Variants in PCNX2 observed in about 807,000 individuals in gnomAD.
The protein encoded by PCNX2 is pecanex-like protein 2.
In PCNX2, 168 loss-of-function variants were observed where a neutral mutation model predicts 223.8. The ratio of observed to expected loss-of-function variants is 0.75; its 90% CI spans 0.66 to 0.85. PCNX2 has a LOEUF of 0.85. PCNX2 is among the 40% of genes least tolerant of loss of function. The probability of loss-of-function intolerance (pLI) is 0.00; values close to 1 mark genes in which losing one functional copy is unlikely to be tolerated. For missense variants in PCNX2, 2,507 were observed against 2,675.5 expected (o/e 0.94, Z 1.39); for synonymous variants, 1,006 against 1,052.6 (o/e 0.96, Z 0.86).
chr1:233,288,875 C>G, intron 1 of PCNX2: 1 of 1,116,244 alleles, frequency 9.0e-7, no homozygotes, highest in Non-Finnish European at 1.3e-6. Flanking sequence ...ACAATTGAAA[C>G]TCTGGGAATT....
intron 1 of PCNX2, among the ~76,000 whole-genome samples, chr1:233,279,959 T>C (rs966631202): frequency 2.0e-5 from 3 of 152,244 alleles, no homozygotes; most frequent in African/African-American, 7.2e-5. Context: ...TATGTTCTTA[T>C]TAACGTTTTA....
intron 5 of PCNX2, among the ~76,000 whole-genome samples, 193 bp downstream of exon 5, chr1:233,257,835 C>A (rs1659816402): frequency 6.6e-6 from 1 of 152,114 alleles, no homozygotes; most frequent in South Asian, 2.1e-4. Flanking sequence ...TAGAGTAGGA[C>A]AATATATGTA....
rs71173251 is a variant in PCNX2 at position 233,119,403 on chromosome 1, C to CAAAA, written c.3837+15606_3837+15609dup. Among the ~76,000 whole-genome samples, 154 of 38,614 alleles carry CAAAA rather than the reference C, an allele frequency of 4.0e-3. 7 individuals carry two copies. Among genetic ancestry groups the CAAAA allele is most frequent in the African/African-American group, 0.011 (96 of 8,770 alleles). 25.3% of individuals were successfully genotyped at this position (38,614 alleles called of 152,430 possible). A position where few individuals can be genotyped will look rare whatever the true frequency, so the allele number is the denominator to read the frequency against. On this transcript the variant is annotated intron_variant, in intron 21 of 33. Coordinates refer to ENST00000258229, the MANE Select transcript of PCNX2 (RefSeq NM_014801.4). ...TGAAACCCCGTCTCTACTAAAAATA[C>CAAAA]AAAAAAAAAAAAAAAAAAAAAAAAA...
chr1:233,298,724 A>G (rs889759247), upstream of PCNX2, among the ~76,000 whole-genome samples: 4 of 152,068 alleles, frequency 2.6e-5, no homozygotes, highest in Non-Finnish European at 4.4e-5. Flanking sequence ...CCCCATCTCT[A>G]CTAAAAATAC....
At position 233,263,169 on chromosome 1, in the gene PCNX2, G is replaced by C. The variant is rs1196342687; in HGVS notation, c.154-6C>G. The C allele has an allele frequency of 6.3e-7, 1 of 1,583,872 alleles. No individual in the cohort carries two copies. The highest frequency in any genetic ancestry group is 8.6e-7 in the Non-Finnish European group (1 of 1,164,312). ...ATCGCATTTGGAGGAAAAGCCTGAAGAAAGGAAAAGACAGAGAAAAATCAT... is the reference window on the plus strand; with the variant it reads ...ATCGCATTTGGAGGAAAAGCCTGAACAAAGGAAAAGACAGAGAAAAATCAT... On this transcript the variant is annotated splice_region_variant and splice_polypyrimidine_tract_variant and intron_variant, in intron 1 of 33. Coordinates refer to ENST00000258229, the MANE Select transcript of PCNX2 (RefSeq NM_014801.4).
chr1:233,131,648 G>A (rs916254467), intron 21 of PCNX2, among the ~76,000 whole-genome samples: 3 of 152,152 alleles, frequency 2.0e-5, no homozygotes, highest in African/African-American at 7.2e-5. Flanking sequence ...TCCAGCATTA[G>A]CGGGAGGCAA....
At chr1:233,025,105 C>T in intron 26 of PCNX2, 41 bp downstream of exon 26, 2 of 1,607,478 alleles carry the variant, frequency 1.2e-6, no homozygotes, top group Non-Finnish European at 1.7e-6. Context: ...CTGTGCCATC[C>T]TAGCATTTCT....
At chr1:233,130,230 C>T (rs1390851614) in intron 21 of PCNX2, among the ~76,000 whole-genome samples, 1 of 152,106 alleles carries the variant, frequency 6.6e-6, no homozygotes, top group Non-Finnish European at 1.5e-5. Flanking sequence ...TAACACTCAC[C>T]ATGAGGGTCT....
Position 232,991,542 on chromosome 1 carries a change from T to A in PCNX2, c.5792-5002A>T, listed in dbSNP as rs190001695. On this transcript the variant is annotated intron_variant, in intron 32 of 33. Coordinates refer to ENST00000258229, the MANE Select transcript of PCNX2 (RefSeq NM_014801.4). The surrounding 1 kb of genome is among the most constrained non-coding windows in gnomAD (Gnocchi z 4.3). The stretch of plus-strand genomic sequence containing the variant: ...CCAGGACCTCAGGGTGGGGCCTTAC[T>A]TTGACACAGGGTCGTTGCAAATGTC... Among the ~76,000 whole-genome samples the A allele has an allele frequency of 5.3e-5, 8 of 152,084 alleles. No homozygotes were observed. Among genetic ancestry groups the A allele is most frequent in the African/African-American group, 1.7e-4 (7 of 41,394 alleles).
At chr1:233,059,026 T>C (rs769280143) in intron 23 of PCNX2, among the ~76,000 whole-genome samples, 42 of 152,148 alleles carry the variant, frequency 2.8e-4, no homozygotes, top group Non-Finnish European at 2.6e-4. Context: ...TGGTTTTCCT[T>C]TTCCACCCCT....
chr1:233,295,952 TTCTC>T (rs1553334178), upstream of PCNX2, among the ~76,000 whole-genome samples: 31 of 145,028 alleles, frequency 2.1e-4, no homozygotes, highest in South Asian at 2.1e-3. This position sits in a 1 kb window ranked among gnomAD's most constrained non-coding sequence, Gnocchi z 4.1. Context: ...CTTCCTTCCT[TTCTC>T]TCTCTCTCTC....
At chr1:233,327,168 C>T in the PCNX2 span, among the ~76,000 whole-genome samples, 6 of 152,196 alleles carry the variant, frequency 3.9e-5, no homozygotes, top group Non-Finnish European at 7.3e-5. Flanking sequence ...CCCTAAAGCC[C>T]CACATCTTCT....
At chr1:233,251,354 G>A (rs1659440849) in intron 7 of PCNX2, among the ~76,000 whole-genome samples, 1 of 152,182 alleles carries the variant, frequency 6.6e-6, no homozygotes. Context: ...CTGTTAATGA[G>A]GAAAAGCAAG....
intron 13 of PCNX2, 115 bp from the exon 14 acceptor site, chr1:233,200,379 C>CAA: frequency 4.7e-6 from 2 of 421,562 alleles, no homozygotes; most frequent in Non-Finnish European, 8.2e-6. Flanking sequence ...ATACTGGAGG[C>CAA]AATCTTTTTT....
chr1:233,109,575 C>T (rs1182295950), intron 21 of PCNX2, among the ~76,000 whole-genome samples: 2 of 152,114 alleles, frequency 1.3e-5, no homozygotes, highest in East Asian at 1.9e-4. Flanking sequence ...TGGACACAGT[C>T]GAGGAAATAA....
At position 233,017,109 on chromosome 1, in the gene PCNX2, T is replaced by A; in HGVS notation, c.4651A>T (p.Ile1551Phe). The change falls in exon 27 of 34, where the codon ATC becomes TTC. Residue 1551 changes from isoleucine (I) to phenylalanine (F), a missense_variant. Ile to Phe is a conservative substitution (Grantham distance 21). Around this residue, in one of 3 missense-constraint regions of PCNX2, gnomAD observed 1,372 missense variants for 1,509.4 expected, o/e 0.91. Coordinates refer to ENST00000258229, the MANE Select transcript of PCNX2 (RefSeq NM_014801.4). ...MVTSPKLLSWIKNESLLKSLQ... is the reference protein window; with the variant it reads ...MVTSPKLLSWFKNESLLKSLQ... ...GACTTCAGAAGTGATTCATTTTTGA[T>A]CCAGGAGAGGAGTTTGGGAGACGTT... 6.2e-7 allele frequency: 1 copy of A among 1,613,472 alleles called. No homozygotes were observed. Among genetic ancestry groups the A allele is most frequent in the East Asian group, 2.2e-5 (1 of 44,874 alleles).
At chr1:233,309,139 A>G in the PCNX2 span, among the ~76,000 whole-genome samples, 1 of 152,256 alleles carries the variant, frequency 6.6e-6, no homozygotes, top group Non-Finnish European at 1.5e-5. Flanking sequence ...AATGAAATAA[A>G]ATTATTAAAT....
chr1:233,200,722 TA>T (rs1028720601), intron 13 of PCNX2, among the ~76,000 whole-genome samples: 7 of 150,318 alleles, frequency 4.7e-5, no homozygotes, highest in African/African-American at 1.7e-4. Context: ...TACAGGAACA[TA>T]AAAAAAACAC....
At position 233,001,522 on chromosome 1, in the gene PCNX2, A is replaced by AAATAAATAAAAT. The variant is rs755559576; in HGVS notation, c.5097+14_5097+15insATTTTATTTATT. ...TAAATAAATAAATAAATAAATAAAT[A>AAATAAATAAAAT]AAATAGGTTTTTACCTGGTGAAGTT... is the stretch of plus-strand genomic sequence containing the variant. On this transcript the variant is annotated intron_variant, in intron 29 of 33. Coordinates refer to ENST00000258229, the MANE Select transcript of PCNX2 (RefSeq NM_014801.4). This position sits in a 1 kb window ranked among gnomAD's most constrained non-coding sequence, Gnocchi z 4.2. 7.3e-6 allele frequency: 8 copies of AAATAAATAAAAT among 1,099,900 alleles called. No homozygotes were observed. In the African/African-American group the frequency reaches 1.5e-4, roughly 21 times the overall value. 68.1% of individuals were successfully genotyped at this position (1,099,900 alleles called of 1,614,324 possible).
Sources: gnomAD v4.1 joint callset for allele counts (sites outside exome capture counted in the v4.1 genomes callset) on GRCh38, gnomAD v4.1.1 for gene constraint, gnomAD v4.1.1 regional missense constraint, Gnocchi (gnomAD v3.1) non-coding constraint, MANE v1.5 for transcripts, NCBI Gene and HGNC (gene_info 2026-07-23, HGNC 2026-07-21) for gene names.